Variants in MYO16 observed in about 807,000 individuals in gnomAD.
The protein encoded by MYO16 is unconventional myosin-XVI.
A neutral mutation model predicts 205.3 loss-of-function variants in MYO16; 94 were observed. The ratio of observed to expected loss-of-function variants is 0.46; its 90% CI spans 0.39 to 0.54. The LOEUF (loss-of-function observed/expected upper bound fraction) is 0.54, where lower values mean the gene tolerates loss of function less well. Among genes scored for constraint, MYO16 ranks in the 20% least tolerant of loss-of-function variants. The pLI is 0.00. For synonymous variants in MYO16, 988 were observed against 954.0 expected (o/e 1.04, Z -0.66); for missense variants, 2,315 against 2,387.5 (o/e 0.97, Z 0.63).
rs181394989 is a variant in MYO16 at position 108,960,133 on chromosome 13, T to C, written c.2038-1406T>C. Among the ~76,000 whole-genome samples the C allele has an allele frequency of 5.6e-3, 851 of 151,916 alleles. 24 individuals carry two copies. Among genetic ancestry groups the C allele is most frequent in the Non-Finnish European group, 1.3e-3 (86 of 67,916 alleles). On this transcript the variant is annotated intron_variant, in intron 17 of 34. Transcript: ENST00000457511. ...TACAATTTTTTTCAAAAACATTAGC[T>C]GGACACTATTTTTTGCCTGTAGTCC...
At chr13:108,857,632 A>G (rs1241797372) in intron 11 of MYO16, among the ~76,000 whole-genome samples, 1 of 152,236 alleles carries the variant, frequency 6.6e-6, no homozygotes, top group East Asian at 1.9e-4. Flanking sequence ...TAAAAACTAC[A>G]CAATTGCTAT....
chr13:108,606,466 G>A (rs1566501783), intron 1 of MYO16, among the ~76,000 whole-genome samples: 1 of 152,112 alleles, frequency 6.6e-6, no homozygotes, highest in Non-Finnish European at 1.5e-5. Context: ...GTACAGCTTG[G>A]GCCTTTGTTT....
upstream of MYO16, among the ~76,000 whole-genome samples, chr13:108,591,550 T>A (rs1322953238): frequency 6.6e-6 from 1 of 152,180 alleles, no homozygotes; most frequent in East Asian, 1.9e-4. Context: ...TAGCTTACAG[T>A]CAATGGCTTT....
At chr13:108,604,543 G>T (rs1307060479) in intron 1 of MYO16, among the ~76,000 whole-genome samples, 1 of 152,208 alleles carries the variant, frequency 6.6e-6, no homozygotes, top group Non-Finnish European at 1.5e-5. Context: ...AAGTTGAAAT[G>T]CTAGTGGAGA....
At chr13:108,898,782 A>G (rs1566399361) in intron 15 of MYO16, among the ~76,000 whole-genome samples, 2 of 152,186 alleles carry the variant, frequency 1.3e-5, no homozygotes, top group African/African-American at 2.4e-5. Context: ...TTAAAATTCA[A>G]CTAATTTAGA....
At chr13:109,136,862 T>A (rs1876800094) in intron 31 of MYO16, among the ~76,000 whole-genome samples, 1 of 152,206 alleles carries the variant, frequency 6.6e-6, no homozygotes, top group Non-Finnish European at 1.5e-5. Context: ...AGCAGTCCAC[T>A]TCCAGGTACC....
At chr13:108,983,384 C>A (rs1242495647) in intron 20 of MYO16, among the ~76,000 whole-genome samples, 2 of 152,128 alleles carry the variant, frequency 1.3e-5, no homozygotes, top group Non-Finnish European at 2.9e-5. Context: ...TCCAAGATTT[C>A]CGTGAAACAA....
At chr13:108,975,758 C>T (rs904978708) in intron 20 of MYO16, among the ~76,000 whole-genome samples, 1 of 152,062 alleles carries the variant, frequency 6.6e-6, no homozygotes, top group African/African-American at 2.4e-5. Context: ...TGAAAAAAAG[C>T]AGCATGATTT....
At chr13:108,947,475 A>G (rs1882981906) in intron 16 of MYO16, among the ~76,000 whole-genome samples, 1 of 152,202 alleles carries the variant, frequency 6.6e-6, no homozygotes, top group Non-Finnish European at 1.5e-5. Flanking sequence ...ACCATCTTCG[A>G]GGCCAGGCCA....
At chr13:108,544,704 T>G in the MYO16 span, among the ~76,000 whole-genome samples, 2 of 152,308 alleles carry the variant, frequency 1.3e-5, no homozygotes, top group East Asian at 3.9e-4. Context: ...TTCTTTAAAA[T>G]TTTTGATACC....
chr13:108,626,821 G>T (rs572615018), upstream of MYO16, among the ~76,000 whole-genome samples: 257 of 148,408 alleles, frequency 1.7e-3, 1 homozygote, highest in African/African-American at 5.7e-3. Context: ...GAAAATAAAA[G>T]AAAAGAAAAA....
intron 16 of MYO16, among the ~76,000 whole-genome samples, chr13:108,917,308 G>A (rs2139252704): frequency 6.6e-6 from 1 of 152,308 alleles, no homozygotes; most frequent in Non-Finnish European, 1.5e-5. Flanking sequence ...TTTGGCTCCT[G>A]CGTAGGGATG....
At chr13:108,782,335 T>G (rs1033949592) in intron 4 of MYO16, among the ~76,000 whole-genome samples, 1 of 152,128 alleles carries the variant, frequency 6.6e-6, no homozygotes, top group Non-Finnish European at 1.5e-5. Context: ...CCCTAGAAAT[T>G]TGTGGAACTT....
At chr13:109,183,700 T>G (rs1357757189) in intron 34 of MYO16, among the ~76,000 whole-genome samples, 3 of 152,230 alleles carry the variant, frequency 2.0e-5, no homozygotes, top group African/African-American at 7.2e-5. Flanking sequence ...AAAATATTCT[T>G]TTGTTTTTGT....
intron 15 of MYO16, among the ~76,000 whole-genome samples, chr13:108,899,077 A>C (rs1353595650): frequency 6.6e-6 from 1 of 152,188 alleles, no homozygotes; most frequent in Non-Finnish European, 1.5e-5. Flanking sequence ...TTTTGCAGCA[A>C]GTCTATGTCA....
intron 4 of MYO16, among the ~76,000 whole-genome samples, chr13:108,735,636 A>G (rs987847559): frequency 2.6e-5 from 4 of 151,242 alleles, no homozygotes; most frequent in Non-Finnish European, 5.9e-5. Flanking sequence ...AGCATGATTT[A>G]TAGTCCTTTG....
At chr13:108,657,966 A>T (rs1241853465) in intron 1 of MYO16, among the ~76,000 whole-genome samples, 1 of 152,108 alleles carries the variant, frequency 6.6e-6, no homozygotes, top group Non-Finnish European at 1.5e-5. Context: ...CTATACATTC[A>T]TGGGTTCATT....
At chr13:108,533,382 G>A in the MYO16 span, among the ~76,000 whole-genome samples, 2 of 152,174 alleles carry the variant, frequency 1.3e-5, no homozygotes, top group African/African-American at 4.8e-5. Context: ...CATAATCTAG[G>A]GGTGGGAGTT....
chr13:108,772,126 AT>A (rs1885985070), intron 4 of MYO16, among the ~76,000 whole-genome samples: 1 of 152,104 alleles, frequency 6.6e-6, no homozygotes, highest in South Asian at 2.1e-4. Context: ...TGAGGAAGGG[AT>A]TGCTTGAGCC....
Sources: gnomAD v4.1 joint callset for allele counts (sites outside exome capture counted in the v4.1 genomes callset) on GRCh38, gnomAD v4.1.1 for gene constraint, MANE v1.5 for transcripts, NCBI Gene and HGNC (gene_info 2026-07-23, HGNC 2026-07-21) for gene names.